GRIP1: variants seen among roughly 807,000 people sequenced by gnomAD.
The protein encoded by GRIP1 is glutamate receptor-interacting protein 1.
A neutral mutation model predicts 129.9 loss-of-function variants in GRIP1; 45 were observed. The ratio of observed to expected loss-of-function variants is 0.35; its 90% CI spans 0.27 to 0.44. The LOEUF (loss-of-function observed/expected upper bound fraction) is 0.44. GRIP1 is among the 20% of genes least tolerant of loss of function. The probability of loss-of-function intolerance (pLI) is 1.00; values close to 1 mark genes in which losing one functional copy is unlikely to be tolerated. For synonymous variants in GRIP1, 530 were observed against 520.8 expected (o/e 1.02, Z -0.24); for missense variants, 1,196 against 1,396.8 (o/e 0.86, Z 2.29).
At chr12:66,889,743 C>A (rs2040626066) in intron 1 of GRIP1, among the ~76,000 whole-genome samples, 1 of 152,150 alleles carries the variant, frequency 6.6e-6, no homozygotes, top group African/African-American at 2.4e-5. Flanking sequence ...CAAATGTCAT[C>A]ATGTGTTAAC....
chr12:66,373,884 G>A (rs893341398), intron 22 of GRIP1, among the ~76,000 whole-genome samples: 10 of 152,104 alleles, frequency 6.6e-5, no homozygotes, highest in African/African-American at 2.4e-4. Flanking sequence ...AAAGAGATGC[G>A]TGGACAAGTT....
Position 66,916,730 on chromosome 12 carries a change from A to C in GRIP1, c.58+152320T>G, listed in dbSNP as rs569322032. The stretch of plus-strand genomic sequence containing the variant: ...AATATTAAAGGAGGCACAATAAGAA[A>C]AAAACAGCCAAGAAAGTCCAGGAAC... On this transcript the variant is annotated intron_variant, in intron 1 of 1. Transcript: ENST00000643019. Among the ~76,000 whole-genome samples the C allele has an allele frequency of 1.3e-4, 20 of 152,302 alleles. No individual in the cohort carries two copies. In the South Asian group the frequency reaches 3.9e-3, roughly 30 times the overall value.
intron 19 of GRIP1, among the ~76,000 whole-genome samples, chr12:66,380,163 G>A (rs1431719352): frequency 2.6e-5 from 4 of 152,054 alleles, no homozygotes; most frequent in African/African-American, 9.7e-5. Flanking sequence ...ACCCACCTCG[G>A]CCTCCCAGAG....
chr12:66,720,769 C>A (rs1040723589), intron 1 of GRIP1, among the ~76,000 whole-genome samples: 2 of 152,088 alleles, frequency 1.3e-5, no homozygotes, highest in Non-Finnish European at 2.9e-5. Flanking sequence ...GATTCTAATT[C>A]TCTTGTTATT....
At chr12:66,981,085 T>A (rs745787630) in intron 1 of GRIP1, among the ~76,000 whole-genome samples, 3 of 152,192 alleles carry the variant, frequency 2.0e-5, no homozygotes, top group Non-Finnish European at 2.9e-5. Flanking sequence ...GAAGCTCCTA[T>A]TTATGTTAAC....
chr12:66,803,888 G>A, intron 1 of GRIP1: 1 of 309,476 alleles, frequency 3.2e-6, no homozygotes, highest in South Asian at 2.9e-5. Context: ...TCTAATGGCT[G>A]TTCTTGCAAC....
At chr12:67,067,341 T>C (rs1347093181) in intron 1 of GRIP1, among the ~76,000 whole-genome samples, 2 of 152,072 alleles carry the variant, frequency 1.3e-5, no homozygotes, top group Non-Finnish European at 2.9e-5. Flanking sequence ...GTCGGAAGCA[T>C]GGTGATTTTT....
intron 2 of GRIP1, among the ~76,000 whole-genome samples, chr12:66,576,996 G>C (rs979989340): frequency 2.0e-5 from 3 of 152,206 alleles, no homozygotes; most frequent in Non-Finnish European, 4.4e-5. Flanking sequence ...TGGTTTTCTT[G>C]AACTCTGTTC....
At chr12:66,401,598 G>GTGTATAAATATATATA in intron 16 of GRIP1, among the ~76,000 whole-genome samples, 1 of 66,272 alleles carries the variant, frequency 1.5e-5, no homozygotes, top group South Asian at 6.4e-4. Context: ...AAATATGTGT[G>GTGTATAAATATATATA]TATATATATA....
intron 1 of GRIP1, among the ~76,000 whole-genome samples, chr12:66,648,982 G>C (rs1040572842): frequency 6.6e-6 from 1 of 152,066 alleles, no homozygotes; most frequent in Non-Finnish European, 1.5e-5. Context: ...CATGTACGTG[G>C]GAAAGTGCAA....
chr12:66,384,137 A>G (rs983090070), intron 19 of GRIP1, among the ~76,000 whole-genome samples: 1 of 152,216 alleles, frequency 6.6e-6, no homozygotes, highest in African/African-American at 2.4e-5. Context: ...ACCTAATCTC[A>G]TTGATTGGTA....
At chr12:66,956,694 T>A (rs2041847010) in intron 1 of GRIP1, among the ~76,000 whole-genome samples, 1 of 152,202 alleles carries the variant, frequency 6.6e-6, no homozygotes, top group Non-Finnish European at 1.5e-5. Context: ...CTATTTTCCC[T>A]GTCCCAGTGC....
intron 1 of GRIP1, among the ~76,000 whole-genome samples, chr12:67,005,049 T>C (rs2042607159): frequency 6.6e-6 from 1 of 151,344 alleles, no homozygotes; most frequent in East Asian, 1.9e-4. Flanking sequence ...AAAAATAAAA[T>C]ATCAACTTTT....
intron 1 of GRIP1, among the ~76,000 whole-genome samples, chr12:67,007,565 C>T (rs1468563437): frequency 6.6e-6 from 1 of 152,068 alleles, no homozygotes; most frequent in African/African-American, 2.4e-5. Context: ...GGTGTTGAGA[C>T]TTTCACATGC....
chr12:66,350,701 T>C (rs1237198637), intron 24 of GRIP1, among the ~76,000 whole-genome samples: 1 of 152,146 alleles, frequency 6.6e-6, no homozygotes, highest in Admixed American at 6.6e-5. Flanking sequence ...TCTATCACAA[T>C]GTGCTGAAAA....
At position 66,376,903 on chromosome 12, in the gene GRIP1, G is replaced by A. The variant is rs112291171; in HGVS notation, c.2778+114C>T. The stretch of plus-strand genomic sequence containing the variant: ...CCACAAGTCAGTAAGCTTGAGGGGT[G>A]GAGATGGGGATATACTTTTGACTGC... On this transcript the variant is annotated intron_variant, in intron 22 of 24. Coordinates refer to ENST00000359742, the MANE Select transcript of GRIP1 (RefSeq NM_001366722.1). 192 of 805,150 alleles carry A rather than the reference G, an allele frequency of 2.4e-4. No individual in the cohort carries two copies. The African/African-American group carries it at 2.6e-3, about 11-fold the overall frequency. 49.9% of individuals were successfully genotyped at this position (805,150 alleles called of 1,614,324 possible).
intron 1 of GRIP1, among the ~76,000 whole-genome samples, chr12:66,678,430 G>T (rs1344047099): frequency 2.0e-5 from 3 of 152,084 alleles, no homozygotes; most frequent in Non-Finnish European, 4.4e-5. Context: ...TTATTCTGTG[G>T]ATCCACCAGC....
intron 16 of GRIP1, among the ~76,000 whole-genome samples, chr12:66,399,003 C>T (rs1428145340): frequency 6.6e-6 from 1 of 151,918 alleles, no homozygotes; most frequent in Non-Finnish European, 1.5e-5. Flanking sequence ...AACAAGTGAG[C>T]AGAAGGATGA....
chr12:66,542,074 T>A, intron 2 of GRIP1, 124 bp from the exon 3 acceptor site: 1 of 853,222 alleles, frequency 1.2e-6, no homozygotes, highest in African/African-American at 1.7e-5. Flanking sequence ...CTCCTTCCAT[T>A]GTAATTTGAA....
Sources: allele counts gnomAD v4.1 joint callset (sites outside exome capture counted in the v4.1 genomes callset), GRCh38; gene constraint gnomAD v4.1.1; transcripts MANE v1.5; gene names NCBI Gene and HGNC (gene_info 2026-07-23, HGNC 2026-07-21).